The following EYA1 variants were observed in gnomAD, a reference collection of about 807,000 sequenced individuals.
The protein encoded by EYA1 is EYA transcriptional coactivator and phosphatase 1, also known as protein phosphatase EYA1.
EYA1 carries 16 observed loss-of-function variants against 82.0 expected under a neutral mutation model. That is an observed-to-expected ratio of 0.20 (90% CI 0.13 to 0.30). EYA1 has a LOEUF of 0.30. EYA1 is among the 10% of genes least tolerant of loss of function. The pLI, the probability that EYA1 is intolerant of heterozygous loss-of-function variation, is 1.00. For missense variants in EYA1, 633 were observed against 730.7 expected (o/e 0.87, Z 1.54); for synonymous variants, 261 against 264.4 (o/e 0.99, Z 0.12).
In EYA1 at chr8:71,263,517, G is replaced by A. The variant is rs117792290; in HGVS notation, c.1050+6223C>T. On this transcript the variant is annotated intron_variant, in intron 11 of 17. Transcript: ENST00000340726. ...ATTTCACCTACCCTAATGAATTCACGTGAGGGTCTGTGTTTCCTTGGGGCC... is the reference window on the plus strand; with the variant it reads ...ATTTCACCTACCCTAATGAATTCACATGAGGGTCTGTGTTTCCTTGGGGCC... Among the ~76,000 whole-genome samples the A allele has an allele frequency of 8.5e-5, 13 of 152,224 alleles. No individual in the cohort carries two copies. The East Asian group carries it at 1.2e-3, about 14-fold the overall frequency.
chr8:71,417,742 G>A (rs2129146324), intron 2 of EYA1, among the ~76,000 whole-genome samples: 1 of 152,274 alleles, frequency 6.6e-6, no homozygotes, highest in African/African-American at 2.4e-5. Flanking sequence ...CAGCAATGCT[G>A]AGGTTGAGAA....
At chr8:71,216,144 G>A (rs1302806866) in intron 14 of EYA1, among the ~76,000 whole-genome samples, 1 of 152,152 alleles carries the variant, frequency 6.6e-6, no homozygotes, top group Non-Finnish European at 1.5e-5. Context: ...CACCTCTTGG[G>A]AGGGACTGAC....
chr8:71,529,469 G>T (rs1472834941), intron 2 of EYA1: 2 of 152,150 alleles, frequency 1.3e-5, no homozygotes, highest in East Asian at 3.8e-4. Context: ...CATATCAAGG[G>T]TTAAATCTCC....
intron 3 of EYA1, among the ~76,000 whole-genome samples, chr8:71,354,118 G>A (rs1005289185): frequency 2.6e-5 from 4 of 151,710 alleles, no homozygotes; most frequent in Non-Finnish European, 4.4e-5. Context: ...TAGGTATTTC[G>A]ACTTATATAA....
chr8:71,327,848 A>G lies in EYA1; in HGVS notation c.203-5580T>C, dbSNP rs1164786897. ...AATAATAGTTAGGGCGGGAATCTTT[A>G]AGTTCTTTTTTTTTTTTTTTTTTTT... On this transcript the variant is annotated intron_variant, in intron 4 of 17. Transcript: ENST00000340726. 2.1e-5 allele frequency among the ~76,000 whole-genome samples: 3 copies of G among 145,706 alleles called. No individual in the cohort carries two copies. In the Admixed American group the frequency reaches 2.1e-4, roughly 10 times the overall value.
intron 2 of EYA1, among the ~76,000 whole-genome samples, chr8:71,393,833 G>A (rs1829425345): frequency 6.6e-6 from 1 of 152,140 alleles, no homozygotes; most frequent in South Asian, 2.1e-4. Flanking sequence ...TGGGTCAAAT[G>A]GTATTTCTAG....
intron 7 of EYA1, among the ~76,000 whole-genome samples, chr8:71,306,381 C>T (rs1820738520): frequency 6.6e-6 from 1 of 151,646 alleles, no homozygotes; most frequent in Non-Finnish European, 1.5e-5. Flanking sequence ...ATGCAAGAAT[C>T]TGAATGTCCA....
intron 2 of EYA1, among the ~76,000 whole-genome samples, chr8:71,422,560 T>C (rs899634620): frequency 6.6e-6 from 1 of 152,180 alleles, no homozygotes; most frequent in African/African-American, 2.4e-5. Flanking sequence ...TATTAGTCCA[T>C]TCTCATGCTG....
At chr8:71,254,844 GC>G (rs926753482) in intron 11 of EYA1, among the ~76,000 whole-genome samples, 424 of 84,014 alleles carry the variant, frequency 5.0e-3, no homozygotes, top group African/African-American at 0.018. Flanking sequence ...CCCCCACCCC[GC>G]CCCCCACCAC....
intron 2 of EYA1, among the ~76,000 whole-genome samples, chr8:71,427,464 A>G (rs1452761887): frequency 6.6e-6 from 1 of 152,220 alleles, no homozygotes; most frequent in African/African-American, 2.4e-5. Flanking sequence ...ACACTTAAGG[A>G]AAGTCCATTC....
At chr8:71,406,278 T>G (rs930586345) in intron 2 of EYA1, among the ~76,000 whole-genome samples, 11 of 152,230 alleles carry the variant, frequency 7.2e-5, no homozygotes, top group Admixed American at 2.6e-4. Context: ...AAGCAATTTA[T>G]GAATTCACAA....
intron 2 of EYA1, among the ~76,000 whole-genome samples, chr8:71,479,127 A>C (rs577302434): frequency 2.7e-4 from 41 of 152,132 alleles, no homozygotes; most frequent in African/African-American, 9.9e-4. Context: ...CCTCACCTCC[A>C]ACTTTCCTAA....
chr8:71,482,592 G>T (rs746200179), intron 2 of EYA1, among the ~76,000 whole-genome samples: 12 of 152,174 alleles, frequency 7.9e-5, no homozygotes, highest in Non-Finnish European at 1.6e-4. Context: ...TTACAAGTAT[G>T]TTCATGGTAA....
intron 2 of EYA1, among the ~76,000 whole-genome samples, chr8:71,497,792 G>A (rs1811524941): frequency 6.6e-6 from 1 of 152,108 alleles, no homozygotes; most frequent in Non-Finnish European, 1.5e-5. Flanking sequence ...ATTCACAATA[G>A]CCGAGTTATA....
intron 2 of EYA1, among the ~76,000 whole-genome samples, chr8:71,430,228 A>C (rs766463050): frequency 6.6e-6 from 1 of 152,226 alleles, no homozygotes; most frequent in Non-Finnish European, 1.5e-5. Context: ...CTTTATGTGT[A>C]ATATCTCATT....
At chr8:71,481,685 T>C (rs1263131807) in intron 2 of EYA1, among the ~76,000 whole-genome samples, 1 of 152,116 alleles carries the variant, frequency 6.6e-6, no homozygotes, top group East Asian at 1.9e-4. Context: ...GAGTTCTCTG[T>C]TATATTCTAT....
chr8:71,225,355 G>A (rs545080506), intron 12 of EYA1: 8 of 455,638 alleles, frequency 1.8e-5, no homozygotes, highest in Non-Finnish European at 3.1e-5. Flanking sequence ...ACTGGCAATC[G>A]CTGGCAGACC....
intron 2 of EYA1, among the ~76,000 whole-genome samples, chr8:71,485,045 G>C (rs1206798589): frequency 6.6e-6 from 1 of 152,170 alleles, no homozygotes; most frequent in Admixed American, 6.5e-5. Flanking sequence ...TAGAGTCCAA[G>C]GACAAAAACT....
chr8:71,544,063 A>G (rs1382898630), intron 1 of EYA1, among the ~76,000 whole-genome samples: 2 of 152,182 alleles, frequency 1.3e-5, no homozygotes, highest in East Asian at 3.9e-4. Context: ...AGAAAAATAA[A>G]AAGACAGTAA....
Sources: allele counts gnomAD v4.1 joint callset (sites outside exome capture counted in the v4.1 genomes callset), GRCh38; gene constraint gnomAD v4.1.1; transcripts MANE v1.5; gene names NCBI Gene and HGNC (gene_info 2026-07-23, HGNC 2026-07-21).